The following BCL11A variants were observed in gnomAD, a reference collection of about 807,000 sequenced individuals.
The protein encoded by BCL11A is BCL11 transcription factor A.
BCL11A carries 2 observed loss-of-function variants against 55.9 expected under a neutral mutation model. That is an observed-to-expected ratio of 0.04 (90% CI 0.01 to 0.11). The LOEUF (loss-of-function observed/expected upper bound fraction) is 0.11, where lower values mean the gene tolerates loss of function less well. BCL11A is among the 10% of genes least tolerant of loss of function. The pLI is 1.00. For missense variants in BCL11A, 817 were observed against 1,137.1 expected (o/e 0.72, Z 4.05); for synonymous variants, 465 against 473.4 (o/e 0.98, Z 0.23).
rs1043852388 is a variant in BCL11A at position 60,458,219 on chromosome 2, T to A, written c.*2185A>T. On this transcript the variant is annotated 3_prime_UTR_variant, in exon 4 of 4. Transcript: ENST00000642384. ...ATTTTAGCATAGGAATCAACATGAG[T>A]GTGCATTTTCCTATATTTAAGTACT... 2.9e-6 allele frequency: 3 copies of A among 1,024,202 alleles called. No individual in the cohort carries two copies. The highest frequency in any genetic ancestry group is 3.4e-5 in the African/African-American group (2 of 58,652). The allele number at this position is 1,024,202 out of a possible 1,614,324, so 63.4% of individuals were successfully genotyped here. A position where few individuals can be genotyped will look rare whatever the true frequency, so the allele number is the denominator to read the frequency against.
At chr2:60,518,527 G>A (rs934461156) in intron 2 of BCL11A, among the ~76,000 whole-genome samples, 22 of 152,180 alleles carry the variant, frequency 1.4e-4, no homozygotes, top group African/African-American at 4.8e-4. Context: ...ATGGCACATG[G>A]GAGGGCATCG....
At chr2:60,473,188 G>A (rs918734865) in intron 2 of BCL11A, among the ~76,000 whole-genome samples, 2 of 151,768 alleles carry the variant, frequency 1.3e-5, no homozygotes, top group African/African-American at 4.8e-5. Context: ...GTCTGTGTAC[G>A]TGTGTGAATG....
chr2:60,467,263 G>T (rs1188624719), intron 3 of BCL11A, among the ~76,000 whole-genome samples: 3 of 111,278 alleles, frequency 2.7e-5, no homozygotes, highest in Non-Finnish European at 5.4e-5. Context: ...TGGTGGTGGT[G>T]GTGATGGTGG....
intron 2 of BCL11A, among the ~76,000 whole-genome samples, chr2:60,490,726 T>G (rs966161391): frequency 6.6e-6 from 1 of 152,216 alleles, no homozygotes; most frequent in African/African-American, 2.4e-5. Context: ...GGACTCTTTC[T>G]CCTACTTGCT....
intron 2 of BCL11A, among the ~76,000 whole-genome samples, chr2:60,505,148 A>C (rs1323838446): frequency 6.6e-6 from 1 of 152,204 alleles, no homozygotes; most frequent in African/African-American, 2.4e-5. Flanking sequence ...GCTTACTCAA[A>C]AAAAAAATGT....
At chr2:60,452,495 C>T, downstream of BCL11A, 1 of 1,204,250 alleles carries the variant, frequency 8.3e-7, no homozygotes, top group Non-Finnish European at 1.2e-6. Flanking sequence ...GAAAACATCA[C>T]AAACTAGCAG....
At chr2:60,541,322 T>G (rs755068161) in intron 2 of BCL11A, among the ~76,000 whole-genome samples, 1 of 152,202 alleles carries the variant, frequency 6.6e-6, no homozygotes. Flanking sequence ...ATCTTCTACA[T>G]TTTAGATATA....
At chr2:60,488,549 C>A (rs1678423232) in intron 2 of BCL11A, among the ~76,000 whole-genome samples, 1 of 152,224 alleles carries the variant, frequency 6.6e-6, no homozygotes, top group Non-Finnish European at 1.5e-5. Context: ...ATACAATTCA[C>A]TGGAAACCCT....
chr2:60,541,096 T>A (rs1483554980), intron 2 of BCL11A, among the ~76,000 whole-genome samples: 1 of 152,092 alleles, frequency 6.6e-6, no homozygotes, highest in Non-Finnish European at 1.5e-5. Flanking sequence ...GAATACATAT[T>A]TGTGTTTCCA....
chr2:60,490,783 T>C (rs767263719), intron 2 of BCL11A, among the ~76,000 whole-genome samples: 3 of 152,232 alleles, frequency 2.0e-5, no homozygotes, highest in Non-Finnish European at 4.4e-5. Context: ...ATGATATTCA[T>C]ATATTCTAGG....
chr2:60,485,040 T>C (rs1381992763), intron 2 of BCL11A, among the ~76,000 whole-genome samples: 1 of 151,454 alleles, frequency 6.6e-6, no homozygotes, highest in Non-Finnish European at 1.5e-5. Context: ...AAAAACAATT[T>C]GTACACCCTC....
downstream of BCL11A, among the ~76,000 whole-genome samples, chr2:60,453,642 G>C (rs1675817056): frequency 6.6e-6 from 1 of 152,198 alleles, no homozygotes; most frequent in South Asian, 2.1e-4. Flanking sequence ...GGCCCCTTTA[G>C]CTGATACCCC....
intron 2 of BCL11A, among the ~76,000 whole-genome samples, chr2:60,469,109 G>A (rs1337028847): frequency 6.6e-6 from 1 of 152,170 alleles, no homozygotes; most frequent in African/African-American, 2.4e-5. Context: ...TTATTTATTT[G>A]TTGTTGTTTG....
rs1047341133 is a variant in BCL11A at position 60,465,085 on chromosome 2, A to C, written c.488-2661T>G. 2.6e-5 allele frequency among the ~76,000 whole-genome samples: 4 copies of C among 152,344 alleles called. No individual in the cohort carries two copies. The Middle Eastern group carries it at 0.01, about 391-fold the overall frequency. On this transcript the variant is annotated intron_variant, in intron 3 of 3. Coordinates refer to ENST00000642384, the MANE Select transcript of BCL11A (RefSeq NM_022893.4). ...AATTATTACCAGTCCACTAATAGCAAATGATGCATTACAATTTCACCATAT... is the reference window on the plus strand; with the variant it reads ...AATTATTACCAGTCCACTAATAGCACATGATGCATTACAATTTCACCATAT...
intron 2 of BCL11A, chr2:60,532,830 A>T (rs1484823211): frequency 6.6e-6 from 1 of 152,220 alleles, no homozygotes. Flanking sequence ...ATTCCCTGAA[A>T]ATACATTTTC....
Position 60,527,192 on chromosome 2 carries a change from C to A in BCL11A, c.385+18779G>T, listed in dbSNP as rs930483303. The A allele has an allele frequency of 3.9e-5, 6 of 152,320 alleles. 1 individual carries two copies. Among genetic ancestry groups the A allele is most frequent in the Admixed American group, 1.3e-4 (2 of 15,302 alleles). 9.4% of individuals were successfully genotyped at this position (152,320 alleles called of 1,614,324 possible). The stretch of plus-strand genomic sequence containing the variant: ...AGAAAAAGAAAAAGAAACAAAAGGC[C>A]ATCATCAGAGATGTGGCCTGATTTT... On this transcript the variant is annotated intron_variant, in intron 2 of 3. Coordinates refer to ENST00000642384, the MANE Select transcript of BCL11A (RefSeq NM_022893.4).
At chr2:60,477,953 G>A (rs1677714617) in intron 2 of BCL11A, among the ~76,000 whole-genome samples, 1 of 151,428 alleles carries the variant, frequency 6.6e-6, no homozygotes, top group Admixed American at 6.6e-5. Flanking sequence ...GGCCTTTATG[G>A]AAAGCTTTTT....
chr2:60,547,766 C>T (rs1670222376), intron 1 of BCL11A, among the ~76,000 whole-genome samples: 1 of 152,052 alleles, frequency 6.6e-6, no homozygotes, highest in Non-Finnish European at 1.5e-5. Flanking sequence ...TCAACCCTAC[C>T]CAGGCTGAAT....
intron 2 of BCL11A, among the ~76,000 whole-genome samples, chr2:60,506,298 C>A (rs1039832261): frequency 6.6e-6 from 1 of 152,256 alleles, no homozygotes; most frequent in Non-Finnish European, 1.5e-5. Flanking sequence ...GAAGAGTCAC[C>A]TTCACAGGCC....
Sources: allele counts gnomAD v4.1 joint callset (sites outside exome capture counted in the v4.1 genomes callset), GRCh38; gene constraint gnomAD v4.1.1; transcripts MANE v1.5; gene names NCBI Gene and HGNC (gene_info 2026-07-23, HGNC 2026-07-21).